The following TFG variants were observed in gnomAD, a reference collection of about 807,000 sequenced individuals.
TFG encodes the protein protein TFG.
TFG carries 22 observed loss-of-function variants against 51.4 expected under a neutral mutation model. The observed-to-expected ratio is 0.43, with a 90% CI of 0.31 to 0.61. The LOEUF is 0.61. Ranked by LOEUF, TFG falls within the 20% of genes least tolerant of loss-of-function variation. TFG has a pLI of 0.12. For synonymous variants in TFG, 187 were observed against 165.6 expected (o/e 1.13, Z -0.99); for missense variants, 419 against 487.7 (o/e 0.86, Z 1.33).
chr3:100,719,422 A>G (rs769868796), intron 2 of TFG, among the ~76,000 whole-genome samples: 5 of 152,256 alleles, frequency 3.3e-5, no homozygotes, highest in Non-Finnish European at 7.3e-5. Context: ...GGTCATAAAT[A>G]CACACTGTTT....
rs2272082 is a variant in TFG at position 100,736,550 on chromosome 3, A to G, written c.581-26A>G. 3.1e-6 allele frequency: 5 copies of G among 1,612,254 alleles called. No individual in the cohort carries two copies. The East Asian group carries it at 1.1e-4, about 36-fold the overall frequency. On this transcript the variant is annotated intron_variant, in intron 5 of 7. Transcript: ENST00000240851. ...GGGGGAAGGCCTTGTGTTGGATACTAAACTGACTTTTTTTTGACTATCCAG... is the reference window on the plus strand; with the variant it reads ...GGGGGAAGGCCTTGTGTTGGATACTGAACTGACTTTTTTTTGACTATCCAG...
At chr3:100,723,611 A>G (rs1183395710) in intron 3 of TFG, among the ~76,000 whole-genome samples, 1 of 152,174 alleles carries the variant, frequency 6.6e-6, no homozygotes, top group Non-Finnish European at 1.5e-5. Context: ...TTATATAAAA[A>G]CTTGAGTAGT....
chr3:100,738,765 A>G (rs2149089942), intron 6 of TFG, among the ~76,000 whole-genome samples: 1 of 152,230 alleles, frequency 6.6e-6, no homozygotes, highest in East Asian at 1.9e-4. Context: ...TAACTGATCT[A>G]ATTCTAGATC....
At chr3:100,728,441 G>A (rs1418565028) in intron 3 of TFG, among the ~76,000 whole-genome samples, 3 of 151,626 alleles carry the variant, frequency 2.0e-5, no homozygotes, top group Non-Finnish European at 4.4e-5. Context: ...CTATTAAAAA[G>A]TAGAGCTCGG....
chr3:100,729,788 T>C (rs141090139), intron 4 of TFG, among the ~76,000 whole-genome samples: 1 of 152,282 alleles, frequency 6.6e-6, no homozygotes, highest in African/African-American at 2.4e-5. Context: ...TTGTTTTCTA[T>C]TTTTATTTTA....
intron 3 of TFG, among the ~76,000 whole-genome samples, chr3:100,722,398 G>C (rs1385376467): frequency 6.6e-6 from 1 of 152,160 alleles, no homozygotes; most frequent in Non-Finnish European, 1.5e-5. Flanking sequence ...AGTTGAAAAT[G>C]AGAACATCCA....
intron 2 of TFG, among the ~76,000 whole-genome samples, chr3:100,714,906 T>C (rs2095041412): frequency 6.6e-6 from 1 of 152,248 alleles, no homozygotes; most frequent in African/African-American, 2.4e-5. Flanking sequence ...AGTAGAATTA[T>C]AGTAGTAGAC....
intron 1 of TFG, chr3:100,710,951 T>G (rs2095029341): frequency 6.6e-6 from 1 of 152,234 alleles, no homozygotes; most frequent in Admixed American, 6.5e-5. Context: ...TTGAGATACT[T>G]TTGTGTTTAC....
At chr3:100,742,351 A>AC (rs1289765198) in intron 6 of TFG, 1 of 152,182 alleles carries the variant, frequency 6.6e-6, no homozygotes, top group African/African-American at 2.4e-5. Context: ...TCACAAAAAT[A>AC]CCCCCAGACT....
At chr3:100,740,353 G>C (rs2095118025) in intron 6 of TFG, among the ~76,000 whole-genome samples, 1 of 152,136 alleles carries the variant, frequency 6.6e-6, no homozygotes, top group African/African-American at 2.4e-5. Context: ...ACCAGAGCTG[G>C]AGGATTCAGT....
Position 100,719,976 on chromosome 3 carries a change from T to A in TFG, c.186T>A (p.Asp62Glu). ...ACCTTTTTTTTTTTTAAATTCCAGA[T>A]GGAGATCTTATAACAATTTTTGATA... ...DEVTIKYKDE[D>E]GDLITIFDSS... The change falls in exon 3 of 8, where the codon GAT becomes GAA. Residue 62 changes from aspartate to glutamate, a missense_variant and splice_region_variant. Asp to Glu is a conservative substitution (Grantham distance 45). This residue lies in a region of TFG where 391 missense variants were observed against 434.4 expected (regional missense o/e 0.90). Transcript: ENST00000240851. 1 of 1,529,974 alleles carries A rather than the reference T, an allele frequency of 6.5e-7. No homozygotes were observed. Among genetic ancestry groups the A allele is most frequent in the Non-Finnish European group, 8.8e-7 (1 of 1,131,446 alleles). The allele number at this position is 1,529,974 out of a possible 1,614,324, so 94.8% of individuals were successfully genotyped here. A position where few individuals can be genotyped will look rare whatever the true frequency, so the allele number is the denominator to read the frequency against.
chr3:100,718,103 GT>G (rs755353690), intron 2 of TFG, among the ~76,000 whole-genome samples: 7 of 151,846 alleles, frequency 4.6e-5, no homozygotes, highest in Non-Finnish European at 8.8e-5. Flanking sequence ...TATTCTTAAT[GT>G]TTATCAAAAT....
At position 100,748,171 on chromosome 3, in the gene TFG, A is replaced by G. The variant is rs1469857370; in HGVS notation, c.843A>G (p.Gly281=). The change falls in exon 8 of 8, where the codon GGA becomes GGG. Residue 281 remains glycine (G), a synonymous_variant. Coordinates refer to ENST00000240851, the MANE Select transcript of TFG (RefSeq NM_006070.6). ...QYSASYSQQT[G]PQQPQQFQGY... is the part of the protein sequence containing the mutation. ...CAGCAAGCTATAGTCAGCAGACTGG[A>G]CCTCAACAACCTCAGCAGTTCCAGG... 1.2e-6 allele frequency: 2 copies of G among 1,613,906 alleles called. No homozygotes were observed. The highest frequency in any genetic ancestry group is 3.3e-5 in the Admixed American group (2 of 59,986).
chr3:100,712,298 A>G (rs1340939826), intron 1 of TFG, among the ~76,000 whole-genome samples: 1 of 152,214 alleles, frequency 6.6e-6, no homozygotes, highest in Non-Finnish European at 1.5e-5. Context: ...AAGGGTTGAT[A>G]TGTTGGGGGA....
intron 3 of TFG, among the ~76,000 whole-genome samples, chr3:100,725,044 C>G (rs1158378182): frequency 6.6e-6 from 1 of 152,200 alleles, no homozygotes; most frequent in African/African-American, 2.4e-5. Flanking sequence ...GCTGGGACTA[C>G]AGGCACCTGC....
At chr3:100,747,303 T>G (rs1374052404) in intron 7 of TFG, 1 of 152,424 alleles carries the variant, frequency 6.6e-6, no homozygotes, top group African/African-American at 2.4e-5. Flanking sequence ...TGAACCCAGG[T>G]TCAAGGTGAG....
chr3:100,744,776 C>T lies in TFG; in HGVS notation c.722-57C>T, dbSNP rs545523364. On this transcript the variant is annotated intron_variant, in intron 6 of 7. Transcript: ENST00000240851. ...ATGTATATGTATCTTAAAAATATTT[C>T]TCTTTGCCACATTAAACATGCCTTT... The T allele has an allele frequency of 4.4e-6, 5 of 1,136,484 alleles. No homozygotes were observed. In the Admixed American group the frequency reaches 8.7e-5, roughly 20 times the overall value. The allele number at this position is 1,136,484 out of a possible 1,614,324, so 70.4% of individuals were successfully genotyped here. A position where few individuals can be genotyped will look rare whatever the true frequency, so the allele number is the denominator to read the frequency against.
At chr3:100,730,083 A>G (rs1317362263) in intron 4 of TFG, among the ~76,000 whole-genome samples, 3 of 152,204 alleles carry the variant, frequency 2.0e-5, no homozygotes, top group Non-Finnish European at 4.4e-5. Flanking sequence ...AGAATCAATG[A>G]AAAAGTTAGA....
intron 1 of TFG, among the ~76,000 whole-genome samples, chr3:100,711,246 G>A (rs1478410256): frequency 6.6e-6 from 1 of 152,122 alleles, no homozygotes; most frequent in African/African-American, 2.4e-5. Flanking sequence ...GGGATTACAG[G>A]CGTGCGCCAC....
Sources: gnomAD v4.1 joint callset for allele counts (sites outside exome capture counted in the v4.1 genomes callset) on GRCh38, gnomAD v4.1.1 for gene constraint, gnomAD v4.1.1 regional missense constraint, MANE v1.5 for transcripts, NCBI Gene and HGNC (gene_info 2026-07-23, HGNC 2026-07-21) for gene names.